Variants in GNAL observed in about 807,000 individuals in gnomAD.
The protein encoded by GNAL is G protein subunit alpha L.
A neutral mutation model predicts 55.1 loss-of-function variants in GNAL; 18 were observed. The ratio of observed to expected loss-of-function variants is 0.33; its 90% CI spans 0.23 to 0.48. The LOEUF is 0.48. Among genes scored for constraint, GNAL ranks in the 20% least tolerant of loss-of-function variants. The pLI is 0.99. For missense variants in GNAL, 412 were observed against 614.1 expected (o/e 0.67, Z 3.48); for synonymous variants, 253 against 237.0 (o/e 1.07, Z -0.62).
At chr18:11,851,571 G>A (rs1338330459) in intron 5 of GNAL, 1 of 1,612,442 alleles carries the variant, frequency 6.2e-7, no homozygotes, top group African/African-American at 1.3e-5. Flanking sequence ...AACTGAGTAG[G>A]AGTGCCAAAA....
intron 4 of GNAL, among the ~76,000 whole-genome samples, chr18:11,793,730 C>T (rs184200435): frequency 3.9e-5 from 6 of 152,008 alleles, no homozygotes; most frequent in Admixed American, 1.3e-4. Context: ...TCGAGACCAT[C>T]CTGGCCAACA....
chr18:11,799,112 CAA>C (rs111394630), intron 4 of GNAL, among the ~76,000 whole-genome samples: 19 of 124,586 alleles, frequency 1.5e-4, no homozygotes, highest in East Asian at 2.3e-4. Context: ...GAGTCTGTCT[CAA>C]AAAAAAAAAA....
In GNAL at chr18:11,881,235, C is replaced by G; in HGVS notation, c.*100C>G. 8.4e-7 allele frequency: 1 copy of G among 1,192,746 alleles called. No individual in the cohort carries two copies. Among genetic ancestry groups the G allele is most frequent in the African/African-American group, 1.5e-5 (1 of 66,494 alleles). The allele number at this position is 1,192,746 out of a possible 1,614,324, so 73.9% of individuals were successfully genotyped here. ...CAGAGTCTCTAGTTCCATCTCGCTG[C>G]CGTCTGTCCCGTTCTGTGTCGACCA... On this transcript the variant is annotated 3_prime_UTR_variant, in exon 12 of 12. Coordinates refer to ENST00000334049, the MANE Select transcript of GNAL (RefSeq NM_182978.4). The surrounding 1 kb of genome is among the most constrained non-coding windows in gnomAD (Gnocchi z 4.8).
At chr18:11,716,699 A>G (rs1184810065) in intron 1 of GNAL, among the ~76,000 whole-genome samples, 1 of 152,218 alleles carries the variant, frequency 6.6e-6, no homozygotes, top group Non-Finnish European at 1.5e-5. Context: ...AGTACCCACC[A>G]GAGTAGCTAG....
chr18:11,851,288 C>G (rs1234698248), intron 5 of GNAL: 4 of 514,120 alleles, frequency 7.8e-6, no homozygotes, highest in Non-Finnish European at 1.3e-5. Flanking sequence ...CCTGCATGCG[C>G]AGCCCCTGGC....
intron 7 of GNAL, among the ~76,000 whole-genome samples, chr18:11,866,247 T>C (rs1357021256): frequency 6.7e-6 from 1 of 150,362 alleles, no homozygotes; most frequent in African/African-American, 2.5e-5. Context: ...TCATCCATTT[T>C]CATCAAGTAT....
At chr18:11,861,888 T>C (rs1446995275) in intron 5 of GNAL, among the ~76,000 whole-genome samples, 1 of 151,898 alleles carries the variant, frequency 6.6e-6, no homozygotes, top group East Asian at 1.9e-4. Context: ...ACCCTTACAC[T>C]TTTACACATT....
At chr18:11,698,282 A>G (rs1314487259) in intron 1 of GNAL, among the ~76,000 whole-genome samples, 6 of 152,000 alleles carry the variant, frequency 3.9e-5, no homozygotes, top group Non-Finnish European at 7.4e-5. Context: ...CATGAGGTCA[A>G]GAGATCAAGA....
In GNAL at chr18:11,884,670, A is replaced by C; in HGVS notation, c.*3535A>C. On this transcript the variant is annotated 3_prime_UTR_variant, in exon 12 of 12. Transcript: ENST00000334049. Reference sequence around the variant, plus strand: ...AAGTTATGCTGAGAGCACCAGGCACACGTTGAACACCGCAGTCTTAGAAAC... The same window carrying C: ...AAGTTATGCTGAGAGCACCAGGCACCCGTTGAACACCGCAGTCTTAGAAAC... 1 of 1,581,966 alleles carries C rather than the reference A, an allele frequency of 6.3e-7. No individual in the cohort carries two copies. The highest frequency in any genetic ancestry group is 8.7e-7 in the Non-Finnish European group (1 of 1,153,138).
At chr18:11,767,369 C>T (rs1023279909) in intron 4 of GNAL, among the ~76,000 whole-genome samples, 3 of 151,912 alleles carry the variant, frequency 2.0e-5, no homozygotes, top group Non-Finnish European at 4.4e-5. Flanking sequence ...GCTCTGTGCA[C>T]ACTTACACTT....
intron 8 of GNAL, among the ~76,000 whole-genome samples, chr18:11,867,494 C>G (rs1398804130): frequency 6.6e-6 from 1 of 152,004 alleles, no homozygotes; most frequent in African/African-American, 2.4e-5. Context: ...GCCTGGCCAA[C>G]ATGTCGAAAC....
intron 5 of GNAL, among the ~76,000 whole-genome samples, chr18:11,849,733 T>C (rs138526310): frequency 1.8e-4 from 28 of 152,218 alleles, no homozygotes; most frequent in Admixed American, 5.2e-4. Flanking sequence ...AAAAGTTTCA[T>C]TTGGAAAAAG....
intron 1 of GNAL, among the ~76,000 whole-genome samples, chr18:11,701,778 G>T (rs10502413): frequency 6.6e-6 from 1 of 151,892 alleles, no homozygotes; most frequent in African/African-American, 2.4e-5. Flanking sequence ...AGAAGATGAA[G>T]AAAGTTTGAG....
At position 11,689,429 on chromosome 18, in the gene GNAL, C is replaced by G; in HGVS notation, c.-135C>G. 2.6e-6 allele frequency: 1 copy of G among 388,266 alleles called. No homozygotes were observed. 24.1% of individuals were successfully genotyped at this position (388,266 alleles called of 1,614,324 possible). A position where few individuals can be genotyped will look rare whatever the true frequency, so the allele number is the denominator to read the frequency against. On this transcript the variant is annotated 5_prime_UTR_variant, in exon 1 of 12. Transcript: ENST00000334049. ...TTCCCGCAGCTGGCGGCCGGCAGCG[C>G]CGAACAGGGTCCGGGTGCAGCCCCC...
intron 4 of GNAL, among the ~76,000 whole-genome samples, chr18:11,789,905 C>T (rs977730529): frequency 5.3e-5 from 8 of 152,152 alleles, no homozygotes; most frequent in African/African-American, 1.9e-4. Context: ...AGAGGAAAAG[C>T]CTCAGATAAA....
At chr18:11,768,053 C>A (rs1333464446) in intron 4 of GNAL, among the ~76,000 whole-genome samples, 1 of 152,196 alleles carries the variant, frequency 6.6e-6, no homozygotes, top group African/African-American at 2.4e-5. Flanking sequence ...TCATATTTGA[C>A]ATTTTTTATG....
chr18:11,829,912 A>G (rs1485837435), intron 5 of GNAL, among the ~76,000 whole-genome samples: 1 of 152,208 alleles, frequency 6.6e-6, no homozygotes, highest in Admixed American at 6.5e-5. Context: ...CAGGAAGCTG[A>G]GGCAGGAGAA....
chr18:11,722,298 A>G (rs1313012230), intron 1 of GNAL, among the ~76,000 whole-genome samples: 1 of 152,240 alleles, frequency 6.6e-6, no homozygotes, highest in Non-Finnish European at 1.5e-5. Context: ...AACTGGGGTA[A>G]AGAAAATTCT....
intron 4 of GNAL, among the ~76,000 whole-genome samples, chr18:11,771,412 A>G (rs2033632126): frequency 6.6e-6 from 1 of 152,010 alleles, no homozygotes; most frequent in East Asian, 1.9e-4. Flanking sequence ...ATGAACAGGC[A>G]TTTCATTTTT....
Sources: gnomAD v4.1 joint callset for allele counts (sites outside exome capture counted in the v4.1 genomes callset) on GRCh38, gnomAD v4.1.1 for gene constraint, Gnocchi (gnomAD v3.1) non-coding constraint, MANE v1.5 for transcripts, NCBI Gene and HGNC (gene_info 2026-07-23, HGNC 2026-07-21) for gene names.